ANKRD11: variants seen among roughly 807,000 people sequenced by gnomAD.
ANKRD11 encodes ankyrin repeat domain-containing protein 11.
ANKRD11 carries 17 observed loss-of-function variants against 195.7 expected under a neutral mutation model. The observed-to-expected ratio is 0.09, with a 90% CI of 0.06 to 0.13. The LOEUF (loss-of-function observed/expected upper bound fraction) is 0.13, where lower values mean the gene tolerates loss of function less well. Among genes scored for constraint, ANKRD11 ranks in the 10% least tolerant of loss-of-function variants. The pLI, the probability that ANKRD11 is intolerant of heterozygous loss-of-function variation, is 1.00. For missense variants in ANKRD11, 3,735 were observed against 3,566.1 expected (o/e 1.05, Z -1.21); for synonymous variants, 1,953 against 1,528.1 (o/e 1.28, Z -6.49).
At chr16:89,338,983 C>T (rs2038523006) in intron 2 of ANKRD11, among the ~76,000 whole-genome samples, 2 of 152,114 alleles carry the variant, frequency 1.3e-5, no homozygotes, top group African/African-American at 2.4e-5. Flanking sequence ...TCAAAGTCAC[C>T]ACCGAGGGCC....
At position 89,331,174 on chromosome 16, in the gene ANKRD11, G is replaced by A. The variant is rs193058568; in HGVS notation, c.-59-14096C>T. Among the ~76,000 whole-genome samples the A allele has an allele frequency of 2.0e-3, 308 of 152,248 alleles. 1 individual carries two copies. The highest frequency in any genetic ancestry group is 6.8e-3 in the Middle Eastern group (2 of 294). ...TCGCCATGTTGGCCAGGCTGGTCTC[G>A]AACTCCTGACCTCAGGTGATCTGCC... On this transcript the variant is annotated intron_variant, in intron 2 of 12. Coordinates refer to ENST00000301030, the MANE Select transcript of ANKRD11 (RefSeq NM_013275.6).
intron 2 of ANKRD11, among the ~76,000 whole-genome samples, chr16:89,341,624 A>G (rs1162397530): frequency 6.6e-6 from 1 of 152,254 alleles, no homozygotes; most frequent in Non-Finnish European, 1.5e-5. Flanking sequence ...CATCCAGCCC[A>G]TAAATCCCAC....
chr16:89,312,495 C>T (rs1023585388), intron 3 of ANKRD11, among the ~76,000 whole-genome samples: 9 of 152,214 alleles, frequency 5.9e-5, no homozygotes, highest in East Asian at 5.8e-4. Flanking sequence ...GGCCACAGGC[C>T]GTGTGCTCTG....
intron 2 of ANKRD11, among the ~76,000 whole-genome samples, chr16:89,387,278 G>A (rs949784116): frequency 1.3e-5 from 2 of 151,852 alleles, no homozygotes; most frequent in Non-Finnish European, 2.9e-5. Context: ...TGGTGGGAGT[G>A]CCCCTCGAAC....
intron 1 of ANKRD11, among the ~76,000 whole-genome samples, chr16:89,428,279 A>G (rs987556147): frequency 6.6e-6 from 1 of 152,124 alleles, no homozygotes; most frequent in Non-Finnish European, 1.5e-5. Context: ...TAATCCCAGC[A>G]CTTTGGGAGG....
chr16:89,309,865 G>A (rs2036514172), intron 3 of ANKRD11, among the ~76,000 whole-genome samples: 1 of 152,114 alleles, frequency 6.6e-6, no homozygotes, highest in South Asian at 2.1e-4. Flanking sequence ...ATGCCCCAAG[G>A]ACCACCAGAT....
rs143426579 is a variant in ANKRD11 at position 89,281,670 on chromosome 16, C to T, written c.4872G>A (p.Ala1624=). The part of the protein sequence containing the change: ...RSGDPKLKEK[A]KPADDGRKKG... ...TCTTCCGCCCGTCGTCTGCCGGCTTCGCCTTCTCCTTGAGCTTGGGGTCTC... is the reference window on the plus strand; with the variant it reads ...TCTTCCGCCCGTCGTCTGCCGGCTTTGCCTTCTCCTTGAGCTTGGGGTCTC... The change falls in exon 9 of 13, where the codon GCG becomes GCA. Residue 1624 remains alanine (A), a synonymous_variant. Coordinates refer to ENST00000301030, the MANE Select transcript of ANKRD11 (RefSeq NM_013275.6). This position sits in a 1 kb window ranked among gnomAD's most constrained non-coding sequence, Gnocchi z 5.5. The T allele has an allele frequency of 6.9e-3, 11,065 of 1,614,162 alleles. 46 individuals carry two copies. Among genetic ancestry groups the T allele is most frequent in the Non-Finnish European group, 8.2e-3 (9,701 of 1,180,024 alleles).
At chr16:89,288,819 G>A in intron 6 of ANKRD11, 149 bp from the exon 7 acceptor site, 1 of 1,086,656 alleles carries the variant, frequency 9.2e-7, no homozygotes, top group Non-Finnish European at 1.4e-6. Context: ...AGGGAAGCAG[G>A]TGCTGGCCCA....
chr16:89,393,810 T>G (rs1379324984), intron 2 of ANKRD11, among the ~76,000 whole-genome samples: 1 of 152,042 alleles, frequency 6.6e-6, no homozygotes, highest in Non-Finnish European at 1.5e-5. Flanking sequence ...TGAAACAGGC[T>G]CTAAGTATTT....
chr16:89,381,354 A>AAAAAAAAAAAAAAAAAAAAAAG (rs1555560066), intron 2 of ANKRD11, among the ~76,000 whole-genome samples: 3 of 125,338 alleles, frequency 2.4e-5, no homozygotes, highest in Admixed American at 8.2e-5. Context: ...AAAAAAAAAA[A>AAAAAAAAAAAAAAAAAAAAAAG]GGGGTGAGAA....
chr16:89,273,448 C>A (rs937338499), intron 11 of ANKRD11, among the ~76,000 whole-genome samples: 1 of 152,112 alleles, frequency 6.6e-6, no homozygotes, highest in African/African-American at 2.4e-5. Flanking sequence ...ACGCCTGTAA[C>A]TCCCGCACTT....
intron 2 of ANKRD11, among the ~76,000 whole-genome samples, chr16:89,348,372 G>A (rs2039044126): frequency 6.6e-6 from 1 of 152,116 alleles, no homozygotes; most frequent in Non-Finnish European, 1.5e-5. Context: ...TGCTCATGAG[G>A]TATCGCTATC....
chr16:89,462,014 G>A (rs553498332), intron 1 of ANKRD11, among the ~76,000 whole-genome samples: 4 of 151,170 alleles, frequency 2.6e-5, no homozygotes, highest in Admixed American at 6.6e-5. Flanking sequence ...TAAAAAAAGC[G>A]TCACGCTCCC....
At position 89,340,931 on chromosome 16, in the gene ANKRD11, T is replaced by C. The variant is rs141679946; in HGVS notation, c.-59-23853A>G. On this transcript the variant is annotated intron_variant, in intron 2 of 12. Transcript: ENST00000301030. ...CTTTTCAATGTCCAAATGTGGGCAG[T>C]GATGTGGGAGTGAACATCAGCCAAT... 3.3e-3 allele frequency among the ~76,000 whole-genome samples: 507 copies of C among 152,266 alleles called. 1 individual carries two copies. Among genetic ancestry groups the C allele is most frequent in the African/African-American group, 0.012 (490 of 41,558 alleles).
At chr16:89,434,579 A>C (rs984635518) in intron 1 of ANKRD11, among the ~76,000 whole-genome samples, 1 of 152,232 alleles carries the variant, frequency 6.6e-6, no homozygotes, top group African/African-American at 2.4e-5. Context: ...GTCAGCAGCT[A>C]ATCAGCAGAA....
intron 4 of ANKRD11, among the ~76,000 whole-genome samples, chr16:89,304,227 C>A (rs1410219066): frequency 2.0e-5 from 3 of 152,220 alleles, no homozygotes; most frequent in Non-Finnish European, 2.9e-5. Context: ...AAGGCGCTGA[C>A]CCCACCAGGA....
chr16:89,441,336 T>A (rs2043454472), intron 1 of ANKRD11, among the ~76,000 whole-genome samples: 1 of 152,134 alleles, frequency 6.6e-6, no homozygotes, highest in African/African-American at 2.4e-5. Context: ...CTACAGAACT[T>A]CTCAACACAG....
rs2034193694 is a variant in ANKRD11 at position 89,281,084 on chromosome 16, T to C, written c.5458A>G (p.Ser1820Gly). 1.2e-6 allele frequency: 2 copies of C among 1,609,438 alleles called. No homozygotes were observed. Among genetic ancestry groups the C allele is most frequent in the African/African-American group, 1.3e-5 (1 of 74,760 alleles). The change falls in exon 9 of 13, where the codon AGC becomes GGC. Residue 1820 changes from serine (S) to glycine (G), a missense_variant. Transcript: ENST00000301030. This position sits in a 1 kb window ranked among gnomAD's most constrained non-coding sequence, Gnocchi z 5.5. ...FRQQSVPAAS[S>G]YDSPMPPSME... ...GAGGGTGGCATGGGAGAGTCGTAGCTGGAGGCAGCAGGAACGCTCTGCTGC... is the reference window on the plus strand; with the variant it reads ...GAGGGTGGCATGGGAGAGTCGTAGCCGGAGGCAGCAGGAACGCTCTGCTGC...
chr16:89,438,204 T>C (rs1162942830), intron 1 of ANKRD11, among the ~76,000 whole-genome samples: 1 of 152,232 alleles, frequency 6.6e-6, no homozygotes, highest in Admixed American at 6.5e-5. Context: ...GCTGGCTTCT[T>C]ATCTCACACC....
Sources: gnomAD v4.1 joint callset for allele counts (sites outside exome capture counted in the v4.1 genomes callset) on GRCh38, gnomAD v4.1.1 for gene constraint, Gnocchi (gnomAD v3.1) non-coding constraint, MANE v1.5 for transcripts, NCBI Gene and HGNC (gene_info 2026-07-23, HGNC 2026-07-21) for gene names.